Variants in PKM observed in about 807,000 individuals in gnomAD.
PKM encodes the protein pyruvate kinase PKM.
PKM carries 18 observed loss-of-function variants against 49.8 expected under a neutral mutation model. That is an observed-to-expected ratio of 0.36 (90% CI 0.25 to 0.54). The LOEUF is 0.54. Among genes scored for constraint, PKM ranks in the 20% least tolerant of loss-of-function variants. PKM has a pLI of 0.89. For synonymous variants in PKM, 239 were observed against 261.8 expected, an observed-to-expected ratio of 0.91 and a Z score of 0.84; for missense variants, 508 against 713.8, an observed-to-expected ratio of 0.71 and a Z score of 3.28.
Position 72,217,454 on chromosome 15 carries a change from A to G in PKM, c.201T>C (p.Ser67=). 1.2e-6 allele frequency: 2 copies of G among 1,613,462 alleles called. No individual in the cohort carries two copies. Among genetic ancestry groups the G allele is most frequent in the South Asian group, 2.2e-5 (2 of 91,068 alleles). The change falls in exon 3 of 11, where the codon TCT becomes TCC. Residue 67 remains serine, a synonymous_variant. Transcript: ENST00000335181. ...SVETLKEMIK[S]GMNVARLNFS... ...AGTTCAGACGAGCCACATTCATTCCAGACTTAATCATCTCCTTCAACGTCT... is the reference window on the plus strand; with the variant it reads ...AGTTCAGACGAGCCACATTCATTCCGGACTTAATCATCTCCTTCAACGTCT...
chr15:72,222,683 C>T (rs1034179452), intron 1 of PKM, among the ~76,000 whole-genome samples: 8 of 152,168 alleles, frequency 5.3e-5, no homozygotes, highest in African/African-American at 1.9e-4. Context: ...GGAAGCCTGG[C>T]GTATCCACTG....
At chr15:72,228,348 G>A (rs1010479498) in intron 1 of PKM, among the ~76,000 whole-genome samples, 6 of 150,500 alleles carry the variant, frequency 4.0e-5, no homozygotes, top group South Asian at 4.2e-4. Flanking sequence ...CAGGTGACCC[G>A]GACCAATCAT....
In PKM at chr15:72,200,704, AG is replaced by A; in HGVS notation, c.1308-50del. On this transcript the variant is annotated intron_variant, in intron 9 of 10. Transcript: ENST00000335181. This position sits in a 1 kb window ranked among gnomAD's most constrained non-coding sequence, Gnocchi z 4.6. ...AGAAGAGACCATTACACGAGGCCCCAGGAAGTACCCTCAGGGCGTTCAAACA... is the reference window on the plus strand; with the variant it reads ...AGAAGAGACCATTACACGAGGCCCCAGAAGTACCCTCAGGGCGTTCAAACA... The A allele has an allele frequency of 2.0e-6, 3 of 1,532,540 alleles. No homozygotes were observed. The highest frequency in any genetic ancestry group is 2.3e-5 in the South Asian group (2 of 86,360). The allele number at this position is 1,532,540 out of a possible 1,614,324, so 94.9% of individuals were successfully genotyped here.
chr15:72,229,970 C>T (rs1299883655), intron 1 of PKM, among the ~76,000 whole-genome samples: 1 of 151,884 alleles, frequency 6.6e-6, no homozygotes, highest in Non-Finnish European at 1.5e-5. Flanking sequence ...CGGAGAGGCG[C>T]GGAACGGGCG....
chr15:72,229,065 C>T (rs2082768068), intron 1 of PKM, among the ~76,000 whole-genome samples: 1 of 152,178 alleles, frequency 6.6e-6, no homozygotes, highest in Non-Finnish European at 1.5e-5. Flanking sequence ...TAAACCAGAT[C>T]CCTTGGGGAA....
rs1239976772 is a variant in PKM, at chr15:72,231,130, G to A, written c.-28C>T. The A allele has an allele frequency of 5.9e-6, 2 of 338,948 alleles. No individual in the cohort carries two copies. Among genetic ancestry groups the A allele is most frequent in the Non-Finnish European group, 1.2e-5 (2 of 168,764 alleles). The allele number at this position is 338,948 out of a possible 1,614,324, so 21.0% of individuals were successfully genotyped here. The stretch of plus-strand genomic sequence containing the variant: ...GCACCGCTCACCTCCGGCGCTGACC[G>A]ACTCGGGCTACGCTGCAAAGACGAA... On this transcript the variant is annotated 5_prime_UTR_variant, in exon 1 of 11. Coordinates refer to ENST00000335181, the MANE Select transcript of PKM (RefSeq NM_002654.6).
intron 3 of PKM, among the ~76,000 whole-genome samples, chr15:72,212,864 G>A (rs1034024477): frequency 6.6e-6 from 1 of 152,146 alleles, no homozygotes; most frequent in Non-Finnish European, 1.5e-5. Flanking sequence ...AAGGTCAGGA[G>A]ATCGAGACCA....
At chr15:72,211,193 G>A (rs973892775) in intron 3 of PKM, among the ~76,000 whole-genome samples, 4 of 151,514 alleles carry the variant, frequency 2.6e-5, no homozygotes, top group African/African-American at 4.9e-5. Context: ...TCAGCCTCCC[G>A]AGTAGCTGGG....
rs190148315 is a variant in PKM, at chr15:72,225,178, C to T, written c.-14+5938G>A. The stretch of plus-strand genomic sequence containing the variant: ...GTCTCAATCTCCTGACCTCGTGATC[C>T]GCCCACCTCAGCTTCCCAAAGTGCT... On this transcript the variant is annotated intron_variant, in intron 1 of 10. Transcript: ENST00000335181. 7.4e-3 allele frequency among the ~76,000 whole-genome samples: 1,123 copies of T among 150,772 alleles called. 11 individuals are homozygous for T. Among genetic ancestry groups the T allele is most frequent in the Non-Finnish European group, 0.011 (757 of 67,730 alleles).
intron 1 of PKM, among the ~76,000 whole-genome samples, chr15:72,224,405 C>T (rs932480337): frequency 2.0e-5 from 3 of 152,026 alleles, no homozygotes; most frequent in Non-Finnish European, 4.4e-5. Context: ...GCATTCTAGT[C>T]GGGGGGATAA....
intron 1 of PKM, chr15:72,230,767 G>C (rs2082840464): frequency 2.6e-6 from 1 of 385,614 alleles, no homozygotes. Context: ...GGGAAGCAAG[G>C]GTGGAATCAA....
intron 3 of PKM, among the ~76,000 whole-genome samples, chr15:72,214,695 T>C (rs559296209): frequency 7.7e-4 from 117 of 152,292 alleles, no homozygotes; most frequent in African/African-American, 2.6e-3. Context: ...CTTAGGAGGC[T>C]GAGGCAGAAG....
In PKM at chr15:72,223,236, G is replaced by T. The variant is rs182096784; in HGVS notation, c.-13-4126C>A. ...TTGGGTTGTGCTGGGAAAGATTCAC[G>T]CTTCACTCCACCAATTCTTCCACAA... is the stretch of plus-strand genomic sequence containing the variant. On this transcript the variant is annotated intron_variant, in intron 1 of 10. Coordinates refer to ENST00000335181, the MANE Select transcript of PKM (RefSeq NM_002654.6). Among the ~76,000 whole-genome samples, 12 of 152,062 alleles carry T rather than the reference G, an allele frequency of 7.9e-5. No homozygotes were observed. The East Asian group carries it at 2.3e-3, about 29-fold the overall frequency.
rs745610492 is a variant in PKM, at chr15:72,209,629, CAA to C, written c.565+42_565+43del. The C allele has an allele frequency of 4.5e-6, 7 of 1,570,094 alleles. No homozygotes were observed. The East Asian group carries it at 1.1e-4, about 25-fold the overall frequency. On this transcript the variant is annotated intron_variant, in intron 5 of 10. Transcript: ENST00000335181. ...TCCTTGTGTCAAGGAAGTTTAGAGA[CAA>C]AAGACTGTTTTAGACAACTGGACTC... is the stretch of plus-strand genomic sequence containing the variant.
rs11558361 is a variant in PKM at position 72,199,629 on chromosome 15, G to A, written c.*21C>T. The A allele has an allele frequency of 6.4e-7, 1 of 1,554,588 alleles. No homozygotes were observed. The highest frequency in any genetic ancestry group is 8.9e-7 in the Non-Finnish European group (1 of 1,126,490). On this transcript the variant is annotated 3_prime_UTR_variant, in exon 11 of 11. Coordinates refer to ENST00000335181, the MANE Select transcript of PKM (RefSeq NM_002654.6). ...GGGGAAGGGGGTGGGACAGGGGCTG[G>A]AGGAGGGGCTCTGGGGTCCATCACG... is the stretch of plus-strand genomic sequence containing the variant.
chr15:72,219,696 C>T (rs1423518475), intron 1 of PKM, among the ~76,000 whole-genome samples: 2 of 152,230 alleles, frequency 1.3e-5, no homozygotes, highest in African/African-American at 4.8e-5. Context: ...CCTAAAACCA[C>T]ATCTACTGTT....
chr15:72,207,051 T>G, intron 7 of PKM, 76 bp downstream of exon 7: 1 of 1,566,460 alleles, frequency 6.4e-7, no homozygotes, highest in Non-Finnish European at 8.8e-7. Context: ...TGGGAAGAGA[T>G]CAGACAGCCT....
chr15:72,200,440 C>T lies in PKM; in HGVS notation c.1489+34G>A, dbSNP rs747425210. The T allele has an allele frequency of 6.2e-7, 1 of 1,606,802 alleles. No homozygotes were observed. Among genetic ancestry groups the T allele is most frequent in the Non-Finnish European group, 8.5e-7 (1 of 1,175,216 alleles). Reference sequence around the variant, plus strand: ...GCCAATGCTCAAGCATCCCCAAGCTCCTCTAGGCTCTAGCCCCTGCTCCAG... The same window carrying T: ...GCCAATGCTCAAGCATCCCCAAGCTTCTCTAGGCTCTAGCCCCTGCTCCAG... On this transcript the variant is annotated intron_variant, in intron 10 of 10. Coordinates refer to ENST00000335181, the MANE Select transcript of PKM (RefSeq NM_002654.6). This position sits in a 1 kb window ranked among gnomAD's most constrained non-coding sequence, Gnocchi z 4.6.
At chr15:72,203,394 T>C (rs980849689) in intron 8 of PKM, 1 of 590,268 alleles carries the variant, frequency 1.7e-6, no homozygotes, top group Admixed American at 2.9e-5. Flanking sequence ...TCCCCTCCAA[T>C]ACAGGGGAAA....
Sources: allele counts gnomAD v4.1 joint callset (sites outside exome capture counted in the v4.1 genomes callset), GRCh38; gene constraint gnomAD v4.1.1; non-coding constraint Gnocchi (gnomAD v3.1); transcripts MANE v1.5; gene names NCBI Gene and HGNC (gene_info 2026-07-23, HGNC 2026-07-21).